The following TGM6 variants were observed in gnomAD, a reference collection of about 807,000 sequenced individuals.
The protein encoded by TGM6 is protein-glutamine gamma-glutamyltransferase 6.
A neutral mutation model predicts 77.5 loss-of-function variants in TGM6; 74 were observed. The observed-to-expected ratio is 0.96, with a 90% CI of 0.79 to 1.16. The LOEUF (loss-of-function observed/expected upper bound fraction) is 1.16. Among genes scored for constraint, TGM6 ranks in the 50% most tolerant of loss-of-function variants. The probability of loss-of-function intolerance (pLI) is 0.00; values close to 1 mark genes in which losing one functional copy is unlikely to be tolerated. For synonymous variants in TGM6, 383 were observed against 378.9 expected, an observed-to-expected ratio of 1.01 and a Z score of -0.12; for missense variants, 968 against 940.2, an observed-to-expected ratio of 1.03 and a Z score of -0.39.
rs1354835174 is a variant in TGM6, at chr20:2,403,735, C to A, written c.1248C>A (p.Asn416Lys). The change falls in exon 9 of 13, where the codon AAC becomes AAA. Residue 416 changes from asparagine (N) to lysine (K), a missense_variant. Transcript: ENST00000202625. Reference sequence around the variant, plus strand: ...AGAGCCGGGAGCGTGTATACTCAAACACGAAGAAGATTGGGAGATGCATCA... The same window carrying A: ...AGAGCCGGGAGCGTGTATACTCAAAAACGAAGAAGATTGGGAGATGCATCA... ...EDESRERVYS[N>K]TKKIGRCIST... 2 of 1,614,224 alleles carry A rather than the reference C, an allele frequency of 1.2e-6. No homozygotes were observed. Among genetic ancestry groups the A allele is most frequent in the Non-Finnish European group, 1.7e-6 (2 of 1,180,048 alleles).
intron 3 of TGM6, 85 bp downstream of exon 3, chr20:2,395,521 G>A (rs1459876551): frequency 6.2e-7 from 1 of 1,609,912 alleles, no homozygotes; most frequent in East Asian, 2.2e-5. Context: ...CCTGGGAGGT[G>A]GGTTAAAGGA....
intron 1 of TGM6, among the ~76,000 whole-genome samples, chr20:2,381,381 A>G (rs1456723850): frequency 2.0e-5 from 3 of 152,246 alleles, no homozygotes; most frequent in Middle Eastern, 3.4e-3. Flanking sequence ...AGAGGCCCCC[A>G]CCGGCTGCAT....
chr20:2,425,000 T>C (rs2084878468), intron 10 of TGM6, among the ~76,000 whole-genome samples: 1 of 152,146 alleles, frequency 6.6e-6, no homozygotes, highest in African/African-American at 2.4e-5. Context: ...AGGGCATGGT[T>C]TGTGGTGCTA....
intron 2 of TGM6, among the ~76,000 whole-genome samples, 167 bp from the exon 3 acceptor site, chr20:2,395,027 C>A (rs1440236455): frequency 3.9e-5 from 6 of 152,214 alleles, no homozygotes; most frequent in Non-Finnish European, 8.8e-5. Context: ...CTGAGGTGGA[C>A]CCTCACTTGG....
chr20:2,400,461 G>T lies in TGM6; in HGVS notation c.989+17G>T. 1.2e-6 allele frequency: 2 copies of T among 1,613,982 alleles called. No homozygotes were observed. Among genetic ancestry groups the T allele is most frequent in the Non-Finnish European group, 1.7e-6 (2 of 1,179,976 alleles). ...CAGCATGTGGTGGGTCCTGCCCCCAGCCTAGGCCCGAGGGCTCTGGAAGCC... is the reference window on the plus strand; with the variant it reads ...CAGCATGTGGTGGGTCCTGCCCCCATCCTAGGCCCGAGGGCTCTGGAAGCC... On this transcript the variant is annotated intron_variant, in intron 7 of 12. Coordinates refer to ENST00000202625, the MANE Select transcript of TGM6 (RefSeq NM_198994.3).
At chr20:2,396,413 C>A (rs934693361) in intron 3 of TGM6, 93 bp from the exon 4 acceptor site, 6 of 1,306,244 alleles carry the variant, frequency 4.6e-6, no homozygotes, top group Non-Finnish European at 6.7e-6. Context: ...AGCCTCCGGG[C>A]GCTGCCCTGC....
intron 9 of TGM6, among the ~76,000 whole-genome samples, chr20:2,413,657 T>C (rs1000626939): frequency 2.3e-4 from 35 of 152,188 alleles, no homozygotes; most frequent in African/African-American, 8.2e-4. Flanking sequence ...ATGAAGTTGT[T>C]ATACCCCACT....
intron 1 of TGM6, among the ~76,000 whole-genome samples, chr20:2,382,576 A>T (rs2084563290): frequency 1.3e-5 from 2 of 152,300 alleles, no homozygotes; most frequent in South Asian, 4.1e-4. Flanking sequence ...AAATGTCAGC[A>T]TTGGAGTTGT....
Position 2,411,710 on chromosome 20 carries a change from T to A in TGM6, c.1337-5522T>A, listed in dbSNP as rs1033606155. 3.9e-4 allele frequency among the ~76,000 whole-genome samples: 60 copies of A among 152,162 alleles called. 1 individual carries two copies. The highest frequency in any genetic ancestry group is 1.2e-3 in the African/African-American group (51 of 41,428). On this transcript the variant is annotated intron_variant, in intron 9 of 12. Coordinates refer to ENST00000202625, the MANE Select transcript of TGM6 (RefSeq NM_198994.3). ...AAAATTGTATTGGGAAAACTGGATA[T>A]CTATGTGCAAAAGACTGAAGTTAGA...
At chr20:2,426,406 T>C (rs2084888039) in intron 10 of TGM6, among the ~76,000 whole-genome samples, 1 of 152,194 alleles carries the variant, frequency 6.6e-6, no homozygotes, top group South Asian at 2.1e-4. Context: ...TTTTTGTTTG[T>C]TGTTGTTGAC....
At chr20:2,428,643 T>A (rs925415989) in intron 10 of TGM6, among the ~76,000 whole-genome samples, 4 of 152,050 alleles carry the variant, frequency 2.6e-5, no homozygotes, top group African/African-American at 9.7e-5. Flanking sequence ...TTATTATCAG[T>A]GTTTTTGATA....
chr20:2,385,277 C>G (rs1599941910), intron 1 of TGM6, among the ~76,000 whole-genome samples: 1 of 152,042 alleles, frequency 6.6e-6, no homozygotes, highest in African/African-American at 2.4e-5. Context: ...TGGGCTGTGG[C>G]AGGGAAGAGG....
chr20:2,390,221 G>A (rs141282500), intron 1 of TGM6, among the ~76,000 whole-genome samples: 1 of 152,172 alleles, frequency 6.6e-6, no homozygotes, highest in African/African-American at 2.4e-5. Context: ...TGGGTAGAGA[G>A]CCTTGACAGA....
intron 10 of TGM6, among the ~76,000 whole-genome samples, chr20:2,422,589 T>TA (rs2084863837): frequency 1.3e-5 from 2 of 152,122 alleles, no homozygotes; most frequent in Non-Finnish European, 2.9e-5. Context: ...TTATTTCTTT[T>TA]AAAAAATATA....
At chr20:2,431,912 C>T (rs1389474244) in intron 12 of TGM6, among the ~76,000 whole-genome samples, 1 of 151,998 alleles carries the variant, frequency 6.6e-6, no homozygotes, top group Non-Finnish European at 1.5e-5. Context: ...AGAAAGGCAT[C>T]CTAGGTGGAA....
chr20:2,415,464 T>A (rs139277726), intron 9 of TGM6, among the ~76,000 whole-genome samples: 1 of 152,272 alleles, frequency 6.6e-6, no homozygotes, highest in East Asian at 1.9e-4. Flanking sequence ...GTGCCTTGCT[T>A]GTGGGCCTCT....
chr20:2,411,839 T>C (rs1279349814), intron 9 of TGM6, among the ~76,000 whole-genome samples: 1 of 152,202 alleles, frequency 6.6e-6, no homozygotes, highest in Admixed American at 6.5e-5. Context: ...AAAAGTTTCA[T>C]GATGTTGGAT....
At chr20:2,421,494 G>A (rs1335115851) in intron 10 of TGM6, among the ~76,000 whole-genome samples, 2 of 152,188 alleles carry the variant, frequency 1.3e-5, no homozygotes, top group African/African-American at 4.8e-5. Flanking sequence ...TGTAATAGGT[G>A]TGTAATAGTA....
chr20:2,399,589 T>A lies in TGM6; in HGVS notation c.701T>A (p.Val234Glu). ...AACAGCAACAACGACCGAGGTGTGG[T>A]GCAAGGACAGTGGCAGGGCAAGTAC... ...MVNSNNDRGV[V>E]QGQWQGKYGG... The change falls in exon 6 of 13, where the codon GTG (valine) becomes GAG (glutamate). Residue 234 changes from valine to glutamate, a missense_variant. Transcript: ENST00000202625. 1 of 1,613,278 alleles carries A rather than the reference T, an allele frequency of 6.2e-7. No homozygotes were observed. The highest frequency in any genetic ancestry group is 8.5e-7 in the Non-Finnish European group (1 of 1,179,952).
Sources: gnomAD v4.1 joint callset for allele counts (sites outside exome capture counted in the v4.1 genomes callset) on GRCh38, gnomAD v4.1.1 for gene constraint, MANE v1.5 for transcripts, NCBI Gene and HGNC (gene_info 2026-07-23, HGNC 2026-07-21) for gene names.